The following TASOR2 variants were observed in gnomAD, a reference collection of about 807,000 sequenced individuals.
TASOR2 encodes transcription activation suppressor family member 2.
A neutral mutation model predicts 199.5 loss-of-function variants in TASOR2; 84 were observed. The observed-to-expected ratio is 0.42, with a 90% CI of 0.35 to 0.50. The LOEUF (loss-of-function observed/expected upper bound fraction) is 0.50. Among genes scored for constraint, TASOR2 ranks in the 20% least tolerant of loss-of-function variants. The pLI, the probability that TASOR2 is intolerant of heterozygous loss-of-function variation, is 0.02. For synonymous variants in TASOR2, 1,103 were observed against 1,046.6 expected, an observed-to-expected ratio of 1.05 and a Z score of -1.04; for missense variants, 2,796 against 2,835.9, an observed-to-expected ratio of 0.99 and a Z score of 0.32.
At chr10:5,700,602 C>A (rs1179996336) in intron 1 of TASOR2, among the ~76,000 whole-genome samples, 4 of 152,080 alleles carry the variant, frequency 2.6e-5, no homozygotes, top group African/African-American at 9.7e-5. Flanking sequence ...TTCATTATTG[C>A]TTGTCCTTTT....
At chr10:5,760,266 C>T (rs928892629) in intron 18 of TASOR2, among the ~76,000 whole-genome samples, 8 of 152,098 alleles carry the variant, frequency 5.3e-5, no homozygotes, top group African/African-American at 1.7e-4. Context: ...TTTATGGGAC[C>T]ACCATTGTAT....
At chr10:5,757,530 T>TGCTGAA in exon 17 of TASOR2, 1 of 1,601,424 alleles carries the variant, frequency 6.2e-7, no homozygotes, top group Non-Finnish European at 8.5e-7. Flanking sequence ...ATTCCTTCTT[T>TGCTGAA]GCTGAAGCTG....
In TASOR2 at chr10:5,756,648, AC is replaced by A; in HGVS notation, c.6644del (p.Pro2215LeufsTer15). On this transcript the variant is annotated frameshift_variant, in exon 16 of 21. Coordinates refer to ENST00000328090, the Ensembl canonical transcript of TASOR2. LOFTEE classifies it high-confidence loss of function. ...GGAAAGGAGGCCATACAGAAATTGA[AC>A]CTCAGCACTTCTGTCAAGCTTTCCA... 6.2e-7 allele frequency: 1 copy of A among 1,613,566 alleles called. No individual in the cohort carries two copies. Among genetic ancestry groups the A allele is most frequent in the Non-Finnish European group, 8.5e-7 (1 of 1,179,820 alleles).
intron 15 of TASOR2, among the ~76,000 whole-genome samples, chr10:5,753,986 A>G (rs1838464236): frequency 6.6e-6 from 1 of 152,136 alleles, no homozygotes; most frequent in South Asian, 2.1e-4. Flanking sequence ...TGAGCAAAAT[A>G]CTTGGTTTCT....
rs773484081 is a variant in TASOR2, at chr10:5,748,571, C to A, written c.5150C>A (p.Ser1717Tyr). ...GGTCCAGGCACTGCTGGCCCTCAGT[C>A]CAACACCACATCTTCTCTAAAAGGT... The change falls in exon 15 of 21, where the codon TCC (serine) becomes TAC (tyrosine). Residue 1717 changes from serine (S) to tyrosine (Y), a missense_variant. By Grantham distance (144) the Ser-to-Tyr change is moderately radical. Coordinates refer to ENST00000328090, the Ensembl canonical transcript of TASOR2. The surrounding 1 kb of genome is among the most constrained non-coding windows in gnomAD (Gnocchi z 5.1). 1 of 1,613,484 alleles carries A rather than the reference C, an allele frequency of 6.2e-7. No individual in the cohort carries two copies. Among genetic ancestry groups the A allele is most frequent in the East Asian group, 2.2e-5 (1 of 44,890 alleles).
chr10:5,742,424 C>T lies in TASOR2; in HGVS notation c.2655C>T (p.Gly885=), dbSNP rs1414719838. Residue 885 remains glycine, a synonymous_variant, in exon 14 of 21, where the codon GGC becomes GGT. Transcript: ENST00000328090. This position sits in a 1 kb window ranked among gnomAD's most constrained non-coding sequence, Gnocchi z 4.2. ...TCATTAAAACACCACTTACCCAAGG[C>T]TTGGAACTCTGTGTACAAAATGAAC... The T allele has an allele frequency of 1.4e-5, 23 of 1,614,060 alleles. No homozygotes were observed. Among genetic ancestry groups the T allele is most frequent in the Non-Finnish European group, 1.8e-5 (21 of 1,180,010 alleles).
intron 12 of TASOR2, among the ~76,000 whole-genome samples, chr10:5,736,639 T>TA (rs1209551932): frequency 6.6e-6 from 1 of 152,212 alleles, no homozygotes; most frequent in Non-Finnish European, 1.5e-5. Context: ...GAATCAAGTT[T>TA]AGTCACATGA....
intron 1 of TASOR2, among the ~76,000 whole-genome samples, chr10:5,708,637 T>TCCCTTCCG (rs1831493626): frequency 6.2e-5 from 1 of 16,238 alleles, no homozygotes; most frequent in Non-Finnish European, 1.3e-4. Context: ...CCTTCCTCCC[T>TCCCTTCCG]TCCTTCCTTC....
intron 10 of TASOR2, 150 bp downstream of exon 11, chr10:5,727,273 C>T (rs1588751146): frequency 1.3e-6 from 1 of 765,682 alleles, no homozygotes; most frequent in East Asian, 2.7e-5. Context: ...CCTTCTTGAC[C>T]TCCCTTGTAG....
At chr10:5,711,419 A>G (rs1321047722) in intron 1 of TASOR2, among the ~76,000 whole-genome samples, 1 of 152,120 alleles carries the variant, frequency 6.6e-6, no homozygotes, top group African/African-American at 2.4e-5. Context: ...CATTTATACT[A>G]TATGACCAGT....
At chr10:5,755,727 G>A (rs143121402) in intron 15 of TASOR2, among the ~76,000 whole-genome samples, 9 of 152,234 alleles carry the variant, frequency 5.9e-5, no homozygotes, top group East Asian at 1.9e-4. Flanking sequence ...GTTCATGCCC[G>A]GAATCCTAGT....
rs550823074 is a variant in TASOR2, at chr10:5,751,585, C to T, written c.6606+1558C>T. On this transcript the variant is annotated intron_variant, in intron 15 of 20. Coordinates refer to ENST00000328090, the Ensembl canonical transcript of TASOR2. The surrounding 1 kb of genome is among the most constrained non-coding windows in gnomAD (Gnocchi z 5.3). ...CTTTTGACAATTCGCCATAATTCTT[C>T]GGGCACTTCTTTACTTTGGGGTGTA... Among the ~76,000 whole-genome samples the T allele has an allele frequency of 7.9e-5, 12 of 152,296 alleles. No individual in the cohort carries two copies. Among genetic ancestry groups the T allele is most frequent in the African/African-American group, 2.4e-4 (10 of 41,564 alleles).
Position 5,730,687 on chromosome 10 carries a change from A to C in TASOR2, c.688A>C (p.Met230Leu), listed in dbSNP as rs765063150. ...ATTGAGTGTTGCTCCTCAGGATAGA[A>C]TGAAAGACCCTACATTCTTGGGGAA... The change falls in exon 11 of 21, where the codon ATG becomes CTG. Residue 230 changes from methionine (M) to leucine (L), a missense_variant. Physicochemically the swap from Met to Leu is conservative, Grantham distance 15. Coordinates refer to ENST00000328090, the Ensembl canonical transcript of TASOR2. The surrounding 1 kb of genome is among the most constrained non-coding windows in gnomAD (Gnocchi z 4.1). The C allele has an allele frequency of 1.2e-6, 2 of 1,614,224 alleles. No individual in the cohort carries two copies. Among genetic ancestry groups the C allele is most frequent in the Non-Finnish European group, 1.7e-6 (2 of 1,180,026 alleles).
intron 16 of TASOR2, 83 bp downstream of exon 17, chr10:5,756,821 A>T: frequency 7.0e-7 from 1 of 1,438,304 alleles, no homozygotes; most frequent in Non-Finnish European, 9.4e-7. Context: ...CTCTTTTTTT[A>T]TGTAGAAGAG....
intron 2 of TASOR2, among the ~76,000 whole-genome samples, chr10:5,713,244 C>T (rs10795488): frequency 1.3e-5 from 2 of 151,936 alleles, no homozygotes; most frequent in Non-Finnish European, 2.9e-5. Flanking sequence ...ATCGTTTAAT[C>T]GAAACTTTGT....
intron 1 of TASOR2, chr10:5,709,750 G>A: frequency 1.8e-6 from 2 of 1,125,212 alleles, no homozygotes; most frequent in Non-Finnish European, 2.2e-6. Context: ...TTTAGATCAT[G>A]TAAAACAAAA....
chr10:5,727,120 A>G (rs771657687), exon 10 of TASOR2: 7 of 1,614,116 alleles, frequency 4.3e-6, no homozygotes, highest in Admixed American at 1.7e-5. Flanking sequence ...ACCCCTGTCA[A>G]CAGGTGAGGA....
In TASOR2 at chr10:5,754,857, C is replaced by A. The variant is rs1838657053; in HGVS notation, c.6607-1756C>A. On this transcript the variant is annotated intron_variant, in intron 15 of 20. Transcript: ENST00000328090. This position sits in a 1 kb window ranked among gnomAD's most constrained non-coding sequence, Gnocchi z 4.3. ...AGGAGATTGAGACCTTCCTGGCTAACACCGTGAAACCCCATCTCTACTAAA... is the reference window on the plus strand; with the variant it reads ...AGGAGATTGAGACCTTCCTGGCTAAAACCGTGAAACCCCATCTCTACTAAA... Among the ~76,000 whole-genome samples, 1 of 151,630 alleles carries A rather than the reference C, an allele frequency of 6.6e-6. No individual in the cohort carries two copies. Among genetic ancestry groups the A allele is most frequent in the Non-Finnish European group, 1.5e-5 (1 of 67,912 alleles).
chr10:5,711,290 G>A (rs1356039825), intron 1 of TASOR2, among the ~76,000 whole-genome samples: 1 of 151,986 alleles, frequency 6.6e-6, no homozygotes, highest in African/African-American at 2.4e-5. Flanking sequence ...TCTAGTTTTT[G>A]TATATTGGTT....
Sources: gnomAD v4.1 joint callset for allele counts (sites outside exome capture counted in the v4.1 genomes callset) on GRCh38, gnomAD v4.1.1 for gene constraint, Gnocchi (gnomAD v3.1) non-coding constraint, MANE v1.5 for transcripts, NCBI Gene and HGNC (gene_info 2026-07-23, HGNC 2026-07-21) for gene names.